The following KIF23 variants were observed in gnomAD, a reference collection of about 807,000 sequenced individuals.
KIF23 encodes kinesin-like protein KIF23.
KIF23 carries 30 observed loss-of-function variants against 137.5 expected under a neutral mutation model. That is an observed-to-expected ratio of 0.22 (90% confidence interval 0.16 to 0.30). KIF23 has a LOEUF of 0.30. KIF23 is among the 10% of genes least tolerant of loss of function. KIF23 has a pLI of 1.00. For missense variants in KIF23, 920 were observed against 1,194.3 expected (o/e 0.77, Z 3.38); for synonymous variants, 367 against 391.1 (o/e 0.94, Z 0.73).
At chr15:69,446,730 G>A (rs2057747476) in intron 22 of KIF23, 141 bp from the exon 23 acceptor site, 7 of 777,434 alleles carry the variant, frequency 9.0e-6, no homozygotes, top group Middle Eastern at 3.6e-4. Flanking sequence ...AATTACGAGT[G>A]ACTGGTGTTT....
intron 2 of KIF23, among the ~76,000 whole-genome samples, chr15:69,417,060 G>A (rs2056933631): frequency 1.3e-5 from 2 of 152,010 alleles, no homozygotes; most frequent in Non-Finnish European, 2.9e-5. Flanking sequence ...TAAAAATCTC[G>A]TGTGACATGT....
chr15:69,421,224 C>G (rs1277851563), intron 3 of KIF23, among the ~76,000 whole-genome samples: 3 of 152,016 alleles, frequency 2.0e-5, no homozygotes, highest in African/African-American at 4.8e-5. Context: ...CCCGTCTCTA[C>G]TAAAAATATA....
In KIF23 at chr15:69,429,194, G is replaced by A; in HGVS notation, c.1095G>A (p.Gly365=). 6.2e-7 allele frequency: 1 copy of A among 1,611,880 alleles called. No homozygotes were observed. Among genetic ancestry groups the A allele is most frequent in the Non-Finnish European group, 8.5e-7 (1 of 1,178,484 alleles). ...SERTNRTRAE[G]NRLREAGNIN... is the part of the protein sequence containing the mutation. ...GAACTAACCGGACCAGAGCAGAAGG[G>A]AACAGATTACGTGAAGCTGGTGAGT... Residue 365 remains glycine (G), a synonymous_variant, in exon 11 of 24, where the codon GGG becomes GGA. Transcript: ENST00000679126.
intron 3 of KIF23, among the ~76,000 whole-genome samples, chr15:69,420,408 A>G (rs1185994693): frequency 6.6e-5 from 10 of 152,234 alleles, no homozygotes; most frequent in Non-Finnish European, 1.2e-4. Flanking sequence ...CTGTGAGGTC[A>G]TCTATCTTCT....
chr15:69,444,563 TC>T lies in KIF23; in HGVS notation c.2422-225del. Reference sequence around the variant, plus strand: ...AGCATTACCAGAATTTTTTCTTTTATCCTTTATTGAAAGGGAAACTCCCAGA... The same window carrying T: ...AGCATTACCAGAATTTTTTCTTTTATCTTTATTGAAAGGGAAACTCCCAGA... On this transcript the variant is annotated intron_variant, in intron 19 of 23. Transcript: ENST00000679126. The surrounding 1 kb of genome is among the most constrained non-coding windows in gnomAD (Gnocchi z 4.2). The T allele has an allele frequency of 2.0e-6, 1 of 500,538 alleles. No individual in the cohort carries two copies. Among genetic ancestry groups the T allele is most frequent in the Non-Finnish European group, 3.5e-6 (1 of 286,712 alleles). 31.0% of individuals were successfully genotyped at this position (500,538 alleles called of 1,614,324 possible).
At position 69,414,390 on chromosome 15, in the gene KIF23, G is replaced by C. The variant is rs994519369; in HGVS notation, c.-76G>C. 6.5e-7 allele frequency: 1 copy of C among 1,545,018 alleles called. No individual in the cohort carries two copies. The highest frequency in any genetic ancestry group is 1.4e-5 in the African/African-American group (1 of 72,844). On this transcript the variant is annotated 5_prime_UTR_variant, in exon 1 of 24. Transcript: ENST00000679126. Reference sequence around the variant, plus strand: ...TAGCCGCGAAGTTCTAGTTCTTGCTGCCGGTCCTAACGTCCCGCAGTCTTC... The same window carrying C: ...TAGCCGCGAAGTTCTAGTTCTTGCTCCCGGTCCTAACGTCCCGCAGTCTTC...
At position 69,448,266 on chromosome 15, in the gene KIF23, A is replaced by C. The variant is rs972804770; in HGVS notation, c.*459A>C. 1 of 152,788 alleles carries C rather than the reference A, an allele frequency of 6.5e-6. No individual in the cohort carries two copies. Among genetic ancestry groups the C allele is most frequent in the Non-Finnish European group, 1.5e-5 (1 of 68,110 alleles). 9.5% of individuals were successfully genotyped at this position (152,788 alleles called of 1,614,324 possible). On this transcript the variant is annotated 3_prime_UTR_variant, in exon 24 of 24. Transcript: ENST00000679126. ...TGCTATTTATTAGCTGCAAGAATGC[A>C]CTTTAGAACTATTTGACAATTCAGA...
chr15:69,442,404 T>C (rs1255275771), intron 19 of KIF23, among the ~76,000 whole-genome samples: 1 of 152,228 alleles, frequency 6.6e-6, no homozygotes, highest in Non-Finnish European at 1.5e-5. Context: ...AATTTTATAT[T>C]TAGTAAAATC....
At chr15:69,428,267 GT>G (rs962625536) in intron 10 of KIF23, among the ~76,000 whole-genome samples, 5 of 151,092 alleles carry the variant, frequency 3.3e-5, no homozygotes, top group African/African-American at 9.7e-5. Flanking sequence ...AAAAAAAATG[GT>G]TATAAGTCAG....
rs1278631697 is a variant in KIF23, at chr15:69,426,128, T to A, written c.835T>A (p.Cys279Ser). The change falls in exon 9 of 24, where the codon TGT becomes AGT. Residue 279 changes from cysteine to serine, a missense_variant. Cys to Ser is a moderately radical substitution (Grantham distance 112, BLOSUM62 -1). Transcript: ENST00000679126. ...GAACCATAACATGTATGTTGCAGGA[T>A]GTACAGAAGTTGAAGTGAAATCTAC... ...DKNHNMYVAG[C>S]TEVEVKSTEE... 13 of 1,609,664 alleles carry A rather than the reference T, an allele frequency of 8.1e-6. No individual in the cohort carries two copies. Among genetic ancestry groups the A allele is most frequent in the Non-Finnish European group, 1.1e-5 (13 of 1,179,168 alleles).
At chr15:69,446,819 T>G (rs2057749610) in intron 22 of KIF23, 52 bp from the exon 23 acceptor site, 1 of 1,519,354 alleles carries the variant, frequency 6.6e-7, no homozygotes, top group Admixed American at 1.7e-5. Context: ...AACTGTGTTT[T>G]ATAGACTATT....
rs576782814 is a variant in KIF23, at chr15:69,440,188, T to G, written c.1929+111T>G. 285 of 1,495,034 alleles carry G rather than the reference T, an allele frequency of 1.9e-4. 1 individual carries two copies. Among genetic ancestry groups the G allele is most frequent in the South Asian group, 1.6e-3 (126 of 76,896 alleles). The allele number at this position is 1,495,034 out of a possible 1,614,324, so 92.6% of individuals were successfully genotyped here. Reference sequence around the variant, plus strand: ...TTTGCGGTAGGGTTTTGGTGGTGGTTGTTAACTCTCAGGAAGAATTGGAGA... The same window carrying G: ...TTTGCGGTAGGGTTTTGGTGGTGGTGGTTAACTCTCAGGAAGAATTGGAGA... On this transcript the variant is annotated intron_variant, in intron 17 of 23. Transcript: ENST00000679126.
At chr15:69,429,077 C>A (rs1259021693) in intron 10 of KIF23, 34 bp from the exon 11 acceptor site, 2 of 1,396,486 alleles carry the variant, frequency 1.4e-6, no homozygotes, top group Non-Finnish European at 2.0e-6. Context: ...CAGTTATAAC[C>A]CATTTTAAGT....
At chr15:69,445,970 G>A (rs761362184) in intron 20 of KIF23, 39 bp from the exon 21 acceptor site, 3 of 1,373,558 alleles carry the variant, frequency 2.2e-6, no homozygotes, top group South Asian at 2.4e-5. Flanking sequence ...TCGTTTGGGT[G>A]TATCAATGTG....
chr15:69,417,653 A>C, intron 3 of KIF23, 142 bp downstream of exon 3: 1 of 909,554 alleles, frequency 1.1e-6, no homozygotes, highest in Non-Finnish European at 1.6e-6. Flanking sequence ...CTGTATCTAA[A>C]GTGTTTTTGA....
rs147510915 is a variant in KIF23, at chr15:69,422,504, C to T, written c.563+69C>T. The T allele has an allele frequency of 2.2e-3, 1,930 of 858,910 alleles. 6 individuals carry two copies. The highest frequency in any genetic ancestry group is 3.5e-3 in the Non-Finnish European group (1,778 of 511,028). 53.2% of individuals were successfully genotyped at this position (858,910 alleles called of 1,614,324 possible). On this transcript the variant is annotated intron_variant, in intron 6 of 23. Coordinates refer to ENST00000679126, the MANE Select transcript of KIF23 (RefSeq NM_001367805.3). ...GATTCTTTCCTGTGGTTTGCCCAGA[C>T]ATGAGGAATGGTGAACATTAAATAG...
chr15:69,436,616 C>G lies in KIF23; in HGVS notation c.1491C>G (p.Cys497Trp), dbSNP rs747533206. The G allele has an allele frequency of 6.2e-7, 1 of 1,612,222 alleles. No individual in the cohort carries two copies. The highest frequency in any genetic ancestry group is 8.5e-7 in the Non-Finnish European group (1 of 1,178,718). The change falls in exon 15 of 24, where the codon TGC (cysteine) becomes TGG (tryptophan). Residue 497 changes from cysteine to tryptophan, a missense_variant. Around this residue, in one of 4 missense-constraint regions of KIF23, gnomAD observed 714 missense variants for 866.2 expected, o/e 0.82. Coordinates refer to ENST00000679126, the MANE Select transcript of KIF23 (RefSeq NM_001367805.3). ...AGAGTTTTCCACCTTTGCCATCATG[C>G]GAAATTTTGGATATCAACGATGAGC... ...VLQSFPPLPS[C>W]EILDINDEQT...
chr15:69,426,222 A>G (rs1036912729), intron 9 of KIF23, 40 bp downstream of exon 9: 5 of 1,589,396 alleles, frequency 3.1e-6, no homozygotes, highest in Non-Finnish European at 4.3e-6. Context: ...AGAATGATGA[A>G]TATCACCTAG....
chr15:69,436,445 T>C (rs1596010583), intron 14 of KIF23, 119 bp from the exon 15 acceptor site: 10 of 1,194,748 alleles, frequency 8.4e-6, no homozygotes, highest in East Asian at 7.1e-5. Flanking sequence ...AGTAAACTTA[T>C]GTCAGCTCAA....
Sources: allele counts gnomAD v4.1 joint callset (sites outside exome capture counted in the v4.1 genomes callset), GRCh38; gene constraint gnomAD v4.1.1; regional missense constraint gnomAD v4.1.1; non-coding constraint Gnocchi (gnomAD v3.1); transcripts MANE v1.5; gene names NCBI Gene and HGNC (gene_info 2026-07-23, HGNC 2026-07-21).